PLPP3: variants seen among roughly 807,000 people sequenced by gnomAD.
PLPP3 encodes PAP2 beta.
Under a neutral mutation model 29.6 loss-of-function variants are expected in PLPP3, and 6 were observed. The ratio of observed to expected loss-of-function variants is 0.20; its 90% CI spans 0.11 to 0.40. The LOEUF (loss-of-function observed/expected upper bound fraction) is 0.40. Among genes scored for constraint, PLPP3 ranks in the 10% least tolerant of loss-of-function variants. The pLI is 1.00. For synonymous variants in PLPP3, 152 were observed against 159.7 expected, an observed-to-expected ratio of 0.95 and a Z score of 0.36; for missense variants, 308 against 407.7, an observed-to-expected ratio of 0.76 and a Z score of 2.11.
intron 1 of PLPP3, among the ~76,000 whole-genome samples, chr1:56,539,514 T>C (rs758426594): frequency 2.6e-5 from 4 of 152,226 alleles, no homozygotes; most frequent in Non-Finnish European, 4.4e-5. Context: ...AGAACAACAA[T>C]TTACTTTATC....
Position 56,495,094 on chromosome 1 carries a change from A to G in PLPP3, c.*1457T>C, listed in dbSNP as rs1387808318. 5 of 152,472 alleles carry G rather than the reference A, an allele frequency of 3.3e-5. No individual in the cohort carries two copies. Among genetic ancestry groups the G allele is most frequent in the Non-Finnish European group, 7.4e-5 (5 of 68,008 alleles). 9.4% of individuals were successfully genotyped at this position (152,472 alleles called of 1,614,324 possible). A position where few individuals can be genotyped will look rare whatever the true frequency, so the allele number is the denominator to read the frequency against. On this transcript the variant is annotated 3_prime_UTR_variant, in exon 6 of 6. Transcript: ENST00000371250. The stretch of plus-strand genomic sequence containing the variant: ...GATATAGCTAAATTGTTTCAGAAAT[A>G]ATATCTTACATAGTTAACTTTTAAT...
At position 56,523,896 on chromosome 1, in the gene PLPP3, A is replaced by G; in HGVS notation, c.576-16T>C. On this transcript the variant is annotated splice_polypyrimidine_tract_variant and intron_variant, in intron 3 of 5. Coordinates refer to ENST00000371250, the MANE Select transcript of PLPP3 (RefSeq NM_003713.5). The stretch of plus-strand genomic sequence containing the variant: ...GAAGGACTTCCTGCAAGAGCAAGAG[A>G]GGGCCATGAAAGGGCCGTATTCACA... 1.9e-6 allele frequency: 3 copies of G among 1,612,864 alleles called. No homozygotes were observed. Among genetic ancestry groups the G allele is most frequent in the Non-Finnish European group, 2.5e-6 (3 of 1,179,054 alleles).
chr1:56,535,292 C>T (rs1375118882), intron 2 of PLPP3, among the ~76,000 whole-genome samples: 1 of 152,182 alleles, frequency 6.6e-6, no homozygotes, highest in African/African-American at 2.4e-5. Context: ...CTAAGAATAT[C>T]TAGCTCTTGG....
intron 1 of PLPP3, among the ~76,000 whole-genome samples, chr1:56,567,032 T>C (rs141545637): frequency 1.2e-3 from 181 of 152,284 alleles, no homozygotes; most frequent in African/African-American, 4.3e-3. Flanking sequence ...CCCAGGGATA[T>C]ATAGGTTTTA....
At chr1:56,531,042 A>G (rs1018618142) in intron 2 of PLPP3, among the ~76,000 whole-genome samples, 2 of 152,150 alleles carry the variant, frequency 1.3e-5, no homozygotes, top group African/African-American at 4.8e-5. Flanking sequence ...TCTAAGTCTC[A>G]GTTTCCTTAT....
At chr1:56,574,805 A>G (rs1646224874) in intron 1 of PLPP3, among the ~76,000 whole-genome samples, 1 of 152,216 alleles carries the variant, frequency 6.6e-6, no homozygotes, top group South Asian at 2.1e-4. Context: ...AATTCAATTA[A>G]TGACAAATGG....
At chr1:56,560,067 G>C (rs887300606) in intron 1 of PLPP3, among the ~76,000 whole-genome samples, 4 of 152,134 alleles carry the variant, frequency 2.6e-5, no homozygotes, top group African/African-American at 9.7e-5. Context: ...CTCAAACATA[G>C]TGTTAATAAT....
At chr1:56,550,917 C>T (rs1646033813) in intron 1 of PLPP3, among the ~76,000 whole-genome samples, 1 of 152,124 alleles carries the variant, frequency 6.6e-6, no homozygotes, top group Admixed American at 6.6e-5. Flanking sequence ...GAATCCCCAA[C>T]TGGAATCTAA....
chr1:56,553,862 C>T (rs545964732), intron 1 of PLPP3, among the ~76,000 whole-genome samples: 51 of 152,182 alleles, frequency 3.4e-4, no homozygotes, highest in African/African-American at 1.0e-3. Flanking sequence ...GGAATAAAAC[C>T]GAGTGTGCGA....
At chr1:56,573,170 A>G (rs1202707732) in intron 1 of PLPP3, among the ~76,000 whole-genome samples, 1 of 152,244 alleles carries the variant, frequency 6.6e-6, no homozygotes, top group African/African-American at 2.4e-5. Flanking sequence ...ATTTATCCAA[A>G]GAGTCACATG....
rs1176833403 is a variant in PLPP3, at chr1:56,511,879, G to A, written c.810+97C>T. ...TCTTCAGACACCAAGCAGAGGACAG[G>A]AACGAGGGCTCTCTAGCTTTAGTCA... On this transcript the variant is annotated intron_variant, in intron 5 of 5. Coordinates refer to ENST00000371250, the MANE Select transcript of PLPP3 (RefSeq NM_003713.5). The A allele has an allele frequency of 2.2e-5, 32 of 1,472,838 alleles. No homozygotes were observed. In the Admixed American group the frequency reaches 5.1e-4, roughly 24 times the overall value. 91.2% of individuals were successfully genotyped at this position (1,472,838 alleles called of 1,614,324 possible). A position where few individuals can be genotyped will look rare whatever the true frequency, so the allele number is the denominator to read the frequency against.
chr1:56,502,290 T>C (rs1313641034), intron 5 of PLPP3, among the ~76,000 whole-genome samples: 4 of 152,202 alleles, frequency 2.6e-5, no homozygotes, highest in African/African-American at 9.7e-5. Flanking sequence ...ACGTAACACA[T>C]TGAGCTAAAA....
chr1:56,568,037 C>T (rs923764725), intron 1 of PLPP3, among the ~76,000 whole-genome samples: 2 of 152,110 alleles, frequency 1.3e-5, no homozygotes, highest in Admixed American at 6.5e-5. Flanking sequence ...AAGCCAGTCA[C>T]GAAAGACCAC....
chr1:56,554,431 G>T (rs1193729492), intron 1 of PLPP3, among the ~76,000 whole-genome samples: 2 of 152,036 alleles, frequency 1.3e-5, no homozygotes, highest in Non-Finnish European at 2.9e-5. Context: ...AATGAGCCGG[G>T]CGTGTTGGCG....
At chr1:56,527,926 A>C (rs1006597152) in intron 2 of PLPP3, among the ~76,000 whole-genome samples, 1 of 152,026 alleles carries the variant, frequency 6.6e-6, no homozygotes, top group Admixed American at 6.6e-5. Flanking sequence ...CATTACTCAC[A>C]ATGTTTTTAT....
At chr1:56,570,549 C>T (rs552661350) in intron 1 of PLPP3, among the ~76,000 whole-genome samples, 3 of 152,236 alleles carry the variant, frequency 2.0e-5, no homozygotes, top group Admixed American at 2.0e-4. Flanking sequence ...AATTTAAATG[C>T]AGATCATAAT....
intron 1 of PLPP3, among the ~76,000 whole-genome samples, chr1:56,540,846 A>G (rs1645964207): frequency 6.6e-6 from 1 of 152,078 alleles, no homozygotes; most frequent in Non-Finnish European, 1.5e-5. Flanking sequence ...GAGATATAAC[A>G]CTGTGCCTTG....
At chr1:56,578,120 G>A (rs1646248616) in intron 1 of PLPP3, among the ~76,000 whole-genome samples, 1 of 152,072 alleles carries the variant, frequency 6.6e-6, no homozygotes, top group Non-Finnish European at 1.5e-5. Flanking sequence ...TCAACTTTCT[G>A]GGGGCGCAAT....
chr1:56,504,267 C>T (rs1045845546), intron 5 of PLPP3, among the ~76,000 whole-genome samples: 1 of 152,138 alleles, frequency 6.6e-6, no homozygotes, highest in Non-Finnish European at 1.5e-5. Context: ...GAGTTTAAGG[C>T]CAGCCTGGGC....
Sources: allele counts gnomAD v4.1 joint callset (sites outside exome capture counted in the v4.1 genomes callset), GRCh38; gene constraint gnomAD v4.1.1; transcripts MANE v1.5; gene names NCBI Gene and HGNC (gene_info 2026-07-23, HGNC 2026-07-21).